STXBP4: variants seen among roughly 807,000 people sequenced by gnomAD.
STXBP4 encodes the protein syntaxin binding protein 4, also known as syntaxin-binding protein 4.
STXBP4 carries 55 observed loss-of-function variants against 76.1 expected under a neutral mutation model. That is an observed-to-expected ratio of 0.72 (90% CI 0.58 to 0.91). The LOEUF (loss-of-function observed/expected upper bound fraction) is 0.91. STXBP4 is among the 40% of genes least tolerant of loss of function. The pLI is 0.00. For synonymous variants in STXBP4, 201 were observed against 220.2 expected (o/e 0.91, Z 0.77); for missense variants, 618 against 636.9 (o/e 0.97, Z 0.32).
intron 7 of STXBP4, among the ~76,000 whole-genome samples, 171 bp from the exon 8 acceptor site, chr17:55,007,335 C>A (rs376514891): frequency 7.0e-6 from 1 of 142,258 alleles, no homozygotes; most frequent in Admixed American, 6.9e-5. Flanking sequence ...CTCTGTCCCC[C>A]CTCCAAAAAA....
the STXBP4 span, among the ~76,000 whole-genome samples, chr17:55,183,340 CT>C: frequency 6.6e-6 from 1 of 152,096 alleles, no homozygotes; most frequent in Non-Finnish European, 1.5e-5. Context: ...AAACCCAGCA[CT>C]TTAGGAGGCT....
chr17:55,127,398 T>A (rs2058026), intron 16 of STXBP4, among the ~76,000 whole-genome samples: 96,979 of 151,948 alleles, frequency 0.64, 31,809 homozygotes, highest in African/African-American at 0.79. Context: ...ATAAAACTGT[T>A]GTGAACATTC....
intron 4 of STXBP4, among the ~76,000 whole-genome samples, chr17:54,999,009 A>G (rs1037953508): frequency 2.0e-5 from 3 of 152,276 alleles, no homozygotes; most frequent in East Asian, 1.9e-4. Context: ...GGCCCACTTT[A>G]TCACAGAGTC....
the STXBP4 span, among the ~76,000 whole-genome samples, chr17:55,197,742 C>CAA: frequency 1.2e-4 from 15 of 125,226 alleles, no homozygotes; most frequent in Admixed American, 4.9e-4. Flanking sequence ...GACTCAGTCT[C>CAA]AAAAAAAAAA....
At chr17:55,189,490 C>G in the STXBP4 span, among the ~76,000 whole-genome samples, 1 of 152,140 alleles carries the variant, frequency 6.6e-6, no homozygotes, top group South Asian at 2.1e-4. Flanking sequence ...AAGGATCAAC[C>G]TTTCCATCAA....
intron 7 of STXBP4, among the ~76,000 whole-genome samples, chr17:55,005,666 A>T (rs1325622129): frequency 2.0e-5 from 3 of 152,126 alleles, no homozygotes; most frequent in African/African-American, 7.2e-5. Context: ...CAATCACTTA[A>T]CACTTGAAAT....
chr17:55,106,599 C>T (rs142463534), intron 16 of STXBP4, among the ~76,000 whole-genome samples: 1,962 of 152,102 alleles, frequency 0.013, 40 homozygotes, highest in South Asian at 0.044. Context: ...TGGCTGGTAC[C>T]GATTTTTCTT....
intron 12 of STXBP4, among the ~76,000 whole-genome samples, chr17:55,064,008 A>G (rs1204253249): frequency 6.6e-6 from 1 of 152,190 alleles, no homozygotes; most frequent in Non-Finnish European, 1.5e-5. Flanking sequence ...TCTTATCTTG[A>G]CAGTTTACTA....
At chr17:55,025,010 G>A (rs1230285991) in intron 8 of STXBP4, among the ~76,000 whole-genome samples, 5 of 151,916 alleles carry the variant, frequency 3.3e-5, no homozygotes, top group African/African-American at 9.7e-5. Context: ...GCATGGTGGC[G>A]GGTGCCTGTA....
At position 55,011,502 on chromosome 17, in the gene STXBP4, C is replaced by CTTTTTCTT. The variant is rs1638777936; in HGVS notation, c.666+3911_666+3918dup. ...ATTGTGGGATCAAAGAGTTTATTTT[C>CTTTTTCTT]TTTTTCTTTTTTTTTTTTTTTTTGC... On this transcript the variant is annotated intron_variant, in intron 8 of 17. Coordinates refer to ENST00000376352, the MANE Select transcript of STXBP4 (RefSeq NM_178509.6). Among the ~76,000 whole-genome samples, 4 of 34,288 alleles carry CTTTTTCTT rather than the reference C, an allele frequency of 1.2e-4. No individual in the cohort carries two copies. In the East Asian group the frequency reaches 4.7e-3, roughly 40 times the overall value. The allele number at this position is 34,288 out of a possible 152,430, so 22.5% of individuals were successfully genotyped here.
At chr17:55,035,711 CTG>C (rs1567730367) in intron 10 of STXBP4, among the ~76,000 whole-genome samples, 1 of 151,672 alleles carries the variant, frequency 6.6e-6, no homozygotes, top group East Asian at 1.9e-4. Context: ...AAATATAAAT[CTG>C]TATTTTAATG....
rs2080351339 is a variant in STXBP4, at chr17:55,163,115, T to G, written c.*3204T>G. The G allele has an allele frequency of 6.6e-6, 1 of 152,078 alleles. No homozygotes were observed. The allele number at this position is 152,078 out of a possible 1,614,324, so 9.4% of individuals were successfully genotyped here. Reference sequence around the variant, plus strand: ...TTGGTACATATCCATAAATTCTCCATAAAAGTAGGACCAACTTACATTACC... The same window carrying G: ...TTGGTACATATCCATAAATTCTCCAGAAAAGTAGGACCAACTTACATTACC... On this transcript the variant is annotated 3_prime_UTR_variant, in exon 18 of 18. Coordinates refer to ENST00000376352, the MANE Select transcript of STXBP4 (RefSeq NM_178509.6).
chr17:55,073,084 A>C lies in STXBP4; in HGVS notation c.1188+8A>C. 6.2e-7 allele frequency: 1 copy of C among 1,612,094 alleles called. No homozygotes were observed. Among genetic ancestry groups the C allele is most frequent in the Non-Finnish European group, 8.5e-7 (1 of 1,179,252 alleles). On this transcript the variant is annotated splice_region_variant and intron_variant, in intron 13 of 17. Coordinates refer to ENST00000376352, the MANE Select transcript of STXBP4 (RefSeq NM_178509.6). ...TATTCTGACCAAAATAAAGTAAGCA[A>C]AGCAGTCATCTCTTCCAGTTACCAT...
chr17:54,990,910 C>G lies in STXBP4; in HGVS notation c.133C>G (p.Pro45Ala), dbSNP rs1380448603. 2 of 1,604,486 alleles carry G rather than the reference C, an allele frequency of 1.2e-6. No homozygotes were observed. Among genetic ancestry groups the G allele is most frequent in the African/African-American group, 2.7e-5 (2 of 74,110 alleles). ...AGGAGGAATTAACCGGAATGAAGGC[C>G]CATTGGTATATATTCAGGAAATTAT... is the stretch of plus-strand genomic sequence containing the variant. ...VLGGINRNEG[P>A]LVYIQEIIPG... The change falls in exon 4 of 18, where the codon CCA becomes GCA. Residue 45 changes from proline to alanine, a missense_variant. Pro to Ala is a conservative substitution (Grantham distance 27). Transcript: ENST00000376352.
At chr17:55,092,118 A>C (rs2079422436) in intron 16 of STXBP4, among the ~76,000 whole-genome samples, 1 of 152,166 alleles carries the variant, frequency 6.6e-6, no homozygotes, top group Non-Finnish European at 1.5e-5. Context: ...ATGAGGACGC[A>C]AAGACTAAGA....
intron 7 of STXBP4, 48 bp from the exon 8 acceptor site, chr17:55,007,458 T>C (rs750426176): frequency 1.5e-6 from 2 of 1,357,916 alleles, no homozygotes; most frequent in Non-Finnish European, 2.1e-6. Flanking sequence ...AATAAAAATT[T>C]CGATTCCAAT....
chr17:55,044,510 A>T (rs2078757977), intron 11 of STXBP4: 2 of 152,056 alleles, frequency 1.3e-5, no homozygotes, highest in South Asian at 2.1e-4. Context: ...TATATTTTTT[A>T]AAAATAGGCA....
intron 13 of STXBP4, 75 bp downstream of exon 13, chr17:55,073,151 T>C (rs2079142839): frequency 1.4e-6 from 2 of 1,390,384 alleles, no homozygotes; most frequent in African/African-American, 2.9e-5. Flanking sequence ...TCATTTTCTT[T>C]TCATCTGCAC....
At chr17:55,069,756 A>G (rs2079099451) in intron 12 of STXBP4, among the ~76,000 whole-genome samples, 1 of 152,212 alleles carries the variant, frequency 6.6e-6, no homozygotes, top group South Asian at 2.1e-4. Context: ...TCAGTGCACA[A>G]TAATGGCTAT....
Sources: gnomAD v4.1 joint callset for allele counts (sites outside exome capture counted in the v4.1 genomes callset) on GRCh38, gnomAD v4.1.1 for gene constraint, MANE v1.5 for transcripts, NCBI Gene and HGNC (gene_info 2026-07-23, HGNC 2026-07-21) for gene names.